INSC: variants seen among roughly 807,000 people sequenced by gnomAD.
INSC encodes protein inscuteable homolog.
In INSC, 67 loss-of-function variants were observed where a neutral mutation model predicts 58.6. The ratio of observed to expected loss-of-function variants is 1.14; its 90% CI spans 0.94 to 1.40. The LOEUF is 1.40. Among genes scored for constraint, INSC ranks in the 40% most tolerant of loss-of-function variants. The probability of loss-of-function intolerance (pLI) is 0.00; values close to 1 mark genes in which losing one functional copy is unlikely to be tolerated. For synonymous variants in INSC, 262 were observed against 276.1 expected (o/e 0.95, Z 0.51); for missense variants, 714 against 692.0 (o/e 1.03, Z -0.36).
intron 12 of INSC, among the ~76,000 whole-genome samples, chr11:15,241,247 A>C (rs1411898651): frequency 6.6e-6 from 1 of 152,210 alleles, no homozygotes; most frequent in Non-Finnish European, 1.5e-5. Context: ...CACTCTATAA[A>C]CACAACCCTT....
intron 2 of INSC, among the ~76,000 whole-genome samples, chr11:15,167,883 C>G (rs1016971924): frequency 2.6e-5 from 4 of 152,150 alleles, no homozygotes; most frequent in African/African-American, 9.7e-5. Context: ...ACTCCTGCAG[C>G]TGGACAGCTC....
At chr11:15,147,391 TGACCAGAGAGCTGAGCACATAGCA>T (rs1346720829) in intron 1 of INSC, among the ~76,000 whole-genome samples, 1 of 152,222 alleles carries the variant, frequency 6.6e-6, no homozygotes, top group East Asian at 1.9e-4. Context: ...TTAGCATAGC[TGACCAGAGAGCTGAGCACATAGCA>T]GACTCATAGG....
intron 2 of INSC, among the ~76,000 whole-genome samples, chr11:15,154,441 C>G (rs1372407879): frequency 6.6e-6 from 1 of 152,152 alleles, no homozygotes; most frequent in East Asian, 1.9e-4. Context: ...TTTAAATACG[C>G]CCTTTGAGTG....
Position 15,182,477 on chromosome 11 carries a change from A to G in INSC, c.579+4030A>G, listed in dbSNP as rs562301652. On this transcript the variant is annotated intron_variant, in intron 5 of 12. Coordinates refer to ENST00000379556, the MANE Select transcript of INSC (RefSeq NM_001042536.3). ...TATGTTTACCATATATGGGGAAAAA[A>G]ATGCCTCCTTTCTCATTGACGGGCA... Among the ~76,000 whole-genome samples the G allele has an allele frequency of 2.6e-5, 4 of 152,180 alleles. No homozygotes were observed. The South Asian group carries it at 8.3e-4, about 32-fold the overall frequency.
upstream of INSC, among the ~76,000 whole-genome samples, chr11:15,114,433 C>G (rs66685029): frequency 0.49 from 74,855 of 151,988 alleles, 19,376 homozygotes; most frequent in Non-Finnish European, 0.58. Flanking sequence ...TGGGGTCTAT[C>G]AAAGCTGGGT....
chr11:15,165,193 C>A (rs147600502), intron 2 of INSC, among the ~76,000 whole-genome samples: 1 of 152,178 alleles, frequency 6.6e-6, no homozygotes, highest in East Asian at 1.9e-4. Flanking sequence ...TGTCAGTTTT[C>A]ATGTGGGGGT....
At chr11:15,229,983 AT>A (rs1851825326) in intron 9 of INSC, among the ~76,000 whole-genome samples, 6 of 23,762 alleles carry the variant, frequency 2.5e-4, no homozygotes, top group Non-Finnish European at 3.5e-4. Context: ...TATATATTAT[AT>A]ATATATATAT....
rs567700401 is a variant in INSC, at chr11:15,144,584, T to C, written c.-45-4546T>C. 8.5e-5 allele frequency among the ~76,000 whole-genome samples: 13 copies of C among 152,358 alleles called. No homozygotes were observed. In the East Asian group the frequency reaches 2.3e-3, roughly 27 times the overall value. The stretch of plus-strand genomic sequence containing the variant: ...CTTGACTACTTTCCACAATACTTAC[T>C]GTCCCCTGTCCCTTCCATGTTGACA... On this transcript the variant is annotated intron_variant, in intron 1 of 12. Transcript: ENST00000379556.
At chr11:15,259,519 T>C in the INSC span, among the ~76,000 whole-genome samples, 1 of 152,186 alleles carries the variant, frequency 6.6e-6, no homozygotes, top group Non-Finnish European at 1.5e-5. Flanking sequence ...ATGACTTGAG[T>C]TGAAATTGGA....
At chr11:15,158,308 T>TAGTC (rs1166214569) in intron 2 of INSC, among the ~76,000 whole-genome samples, 1 of 151,418 alleles carries the variant, frequency 6.6e-6, no homozygotes, top group Non-Finnish European at 1.5e-5. Flanking sequence ...TTTGATCAAC[T>TAGTC]AGTCCCTGTT....
At chr11:15,213,142 T>TG (rs199505916) in intron 7 of INSC, among the ~76,000 whole-genome samples, 1,903 of 150,190 alleles carry the variant, frequency 0.013, 51 homozygotes, top group African/African-American at 0.045. Flanking sequence ...CTTGAGGAGT[T>TG]TTTTTTTTTT....
At chr11:15,162,352 C>T (rs78434068) in intron 2 of INSC, among the ~76,000 whole-genome samples, 1,850 of 152,258 alleles carry the variant, frequency 0.012, 56 homozygotes, top group African/African-American at 0.043. Flanking sequence ...TTGCACTAGG[C>T]TCTGACCGCC....
In INSC at chr11:15,162,222, C is replaced by A. The variant is rs536787836; in HGVS notation, c.56+12992C>A. 2.6e-5 allele frequency among the ~76,000 whole-genome samples: 4 copies of A among 152,288 alleles called. No homozygotes were observed. The South Asian group carries it at 8.3e-4, about 32-fold the overall frequency. ...AATGGCTTCCATGGCTTTATGTGATCTGGCCTAATCCCTTCTATGAGCTCC... is the reference window on the plus strand; with the variant it reads ...AATGGCTTCCATGGCTTTATGTGATATGGCCTAATCCCTTCTATGAGCTCC... On this transcript the variant is annotated intron_variant, in intron 2 of 12. Transcript: ENST00000379556.
At chr11:15,158,860 GTT>G (rs529518368) in intron 2 of INSC, among the ~76,000 whole-genome samples, 144 of 109,642 alleles carry the variant, frequency 1.3e-3, no homozygotes, top group South Asian at 2.6e-3. Flanking sequence ...ATTGTTGGTG[GTT>G]TTTTTTTTTT....
upstream of INSC, chr11:15,114,915 G>A: frequency 1.0e-6 from 1 of 985,216 alleles, no homozygotes; most frequent in African/African-American, 1.7e-5. Flanking sequence ...TGGGCCGGCA[G>A]AGCGGCCACT....
chr11:15,236,457 G>A (rs559563267), intron 10 of INSC, among the ~76,000 whole-genome samples: 105 of 152,354 alleles, frequency 6.9e-4, no homozygotes, highest in African/African-American at 2.5e-3. Flanking sequence ...TGAGGAAGGG[G>A]TGAGAATGGG....
At chr11:15,243,567 T>A (rs1019212104) in intron 12 of INSC, among the ~76,000 whole-genome samples, 1 of 152,146 alleles carries the variant, frequency 6.6e-6, no homozygotes, top group Admixed American at 6.5e-5. Flanking sequence ...TGCTGCACAC[T>A]GAGGAGGGGG....
intron 7 of INSC, among the ~76,000 whole-genome samples, chr11:15,207,181 G>T (rs1473388970): frequency 4.6e-5 from 7 of 152,124 alleles, no homozygotes; most frequent in Admixed American, 2.0e-4. Context: ...CAAAAGGAGT[G>T]GGGGGCACTC....
intron 1 of INSC, among the ~76,000 whole-genome samples, chr11:15,124,756 G>T (rs1452362138): frequency 6.6e-6 from 1 of 152,114 alleles, no homozygotes. Flanking sequence ...ATCTGCTTTG[G>T]CGGCTGACAG....
Sources: gnomAD v4.1 joint callset for allele counts (sites outside exome capture counted in the v4.1 genomes callset) on GRCh38, gnomAD v4.1.1 for gene constraint, MANE v1.5 for transcripts, NCBI Gene and HGNC (gene_info 2026-07-23, HGNC 2026-07-21) for gene names.